Variants in MEF2D observed in about 807,000 individuals in gnomAD.
The protein encoded by MEF2D is myocyte-specific enhancer factor 2D.
MEF2D carries 10 observed loss-of-function variants against 59.3 expected under a neutral mutation model. The ratio of observed to expected loss-of-function variants is 0.17; its 90% CI spans 0.10 to 0.29. The LOEUF is 0.29. Among genes scored for constraint, MEF2D ranks in the 10% least tolerant of loss-of-function variants. The pLI, the probability that MEF2D is intolerant of heterozygous loss-of-function variation, is 1.00. For synonymous variants in MEF2D, 305 were observed against 295.0 expected (o/e 1.03, Z -0.35); for missense variants, 508 against 699.4 (o/e 0.73, Z 3.09).
rs1346431884 is a variant in MEF2D at position 156,500,702 on chromosome 1, G to A, written c.-355C>T. ...GGCGGCAGGCAAGCGGGGAACCGGG[G>A]CCGAGCGCCTGAGCCGCCTCGGCTG... is the stretch of plus-strand genomic sequence containing the variant. On this transcript the variant is annotated 5_prime_UTR_variant, in exon 1 of 12. Transcript: ENST00000348159. 2.6e-5 allele frequency: 4 copies of A among 152,094 alleles called. No homozygotes were observed. Among genetic ancestry groups the A allele is most frequent in the African/African-American group, 7.2e-5 (3 of 41,426 alleles). The allele number at this position is 152,094 out of a possible 1,614,324, so 9.4% of individuals were successfully genotyped here.
chr1:156,468,721 C>G lies in MEF2D; in HGVS notation c.1247+59G>C. 6.4e-7 allele frequency: 1 copy of G among 1,574,732 alleles called. No individual in the cohort carries two copies. The highest frequency in any genetic ancestry group is 8.7e-7 in the Non-Finnish European group (1 of 1,154,726). ...GGAACCCAGCTCCCAAGAGGTCCCT[C>G]CTCTTCCCGTTCAATTCTCCCTTCC... On this transcript the variant is annotated intron_variant, in intron 10 of 11. Transcript: ENST00000348159. This position sits in a 1 kb window ranked among gnomAD's most constrained non-coding sequence, Gnocchi z 4.3.
In MEF2D at chr1:156,472,267, A is replaced by G. The variant is rs548322610; in HGVS notation, c.1006+2841T>C. On this transcript the variant is annotated intron_variant, in intron 9 of 11. Transcript: ENST00000348159. ...AGTGGCAGGGCTGGAAAAGCCTCAT[A>G]GACCTCCTGTCTACCCACTCCTCTT... is the stretch of plus-strand genomic sequence containing the variant. Among the ~76,000 whole-genome samples, 366 of 152,354 alleles carry G rather than the reference A, an allele frequency of 2.4e-3. 3 individuals carry two copies. The highest frequency in any genetic ancestry group is 4.1e-3 in the Non-Finnish European group (278 of 68,034).
Position 156,468,767 on chromosome 1 carries a change from C to T in MEF2D, c.1247+13G>A, listed in dbSNP as rs1468015393. 1 of 1,607,082 alleles carries T rather than the reference C, an allele frequency of 6.2e-7. No individual in the cohort carries two copies. Among genetic ancestry groups the T allele is most frequent in the South Asian group, 1.1e-5 (1 of 90,876 alleles). On this transcript the variant is annotated intron_variant, in intron 10 of 11. Transcript: ENST00000348159. This position sits in a 1 kb window ranked among gnomAD's most constrained non-coding sequence, Gnocchi z 4.3. Reference sequence around the variant, plus strand: ...CTTCCCACACACTCACATGCAGTCTCCCCAGGACTCACATGAGGTTGCTGA... The same window carrying T: ...CTTCCCACACACTCACATGCAGTCTTCCCAGGACTCACATGAGGTTGCTGA...
chr1:156,475,223 G>T lies in MEF2D; in HGVS notation c.891C>A (p.Arg297=), dbSNP rs1557880536. The T allele has an allele frequency of 1.2e-6, 2 of 1,611,924 alleles. No individual in the cohort carries two copies. The highest frequency in any genetic ancestry group is 1.7e-6 in the Non-Finnish European group (2 of 1,178,900). ...EDHLDLNNAQ[R]LGVSQSTHSL... ...AATGAGTAGACTGGGAGACCCCAAG[G>T]CGCTGGGCATTGTTCTGTAGGAGAA... is the stretch of plus-strand genomic sequence containing the variant. The change falls in exon 9 of 12, where the codon CGC becomes CGA. Residue 297 remains arginine (R), a synonymous_variant. Transcript: ENST00000348159.
At position 156,498,119 on chromosome 1, in the gene MEF2D, A is replaced by C. The variant is rs543254745; in HGVS notation, c.-139+2367T>G. On this transcript the variant is annotated intron_variant, in intron 1 of 11. Coordinates refer to ENST00000348159, the MANE Select transcript of MEF2D (RefSeq NM_005920.4). ...GAAAGATTAAAAAAAAAAAAAAAAA[A>C]AAAAAAAACCCTGCTACAGAGAGAT... is the stretch of plus-strand genomic sequence containing the variant. Among the ~76,000 whole-genome samples, 389 of 151,016 alleles carry C rather than the reference A, an allele frequency of 2.6e-3. 3 individuals are homozygous for C. Among genetic ancestry groups the C allele is most frequent in the African/African-American group, 9.0e-3 (370 of 41,068 alleles).
rs202204405 is a variant in MEF2D at position 156,477,666 on chromosome 1, C to T, written c.665-464G>A. On this transcript the variant is annotated intron_variant, in intron 6 of 11. Transcript: ENST00000348159. ...GTGGAAGGGGTGGCAGCCTGGAATC[C>T]GGGCCTCACTGAGAAGCCTGGTCAC... Among the ~76,000 whole-genome samples, 17 of 152,236 alleles carry T rather than the reference C, an allele frequency of 1.1e-4. No homozygotes were observed. The East Asian group carries it at 3.1e-3, about 28-fold the overall frequency.
rs1337767258 is a variant in MEF2D, at chr1:156,463,771, A to G, written c.*3874T>C. The G allele has an allele frequency of 1.3e-5, 2 of 152,474 alleles. No homozygotes were observed. Among genetic ancestry groups the G allele is most frequent in the Non-Finnish European group, 2.9e-5 (2 of 68,032 alleles). 9.4% of individuals were successfully genotyped at this position (152,474 alleles called of 1,614,324 possible). A position where few individuals can be genotyped will look rare whatever the true frequency, so the allele number is the denominator to read the frequency against. Reference sequence around the variant, plus strand: ...TTTTCTTTTAATAGTAAACCTCTTTACAACAAATATAGTGAAAGAGTTTTC... The same window carrying G: ...TTTTCTTTTAATAGTAAACCTCTTTGCAACAAATATAGTGAAAGAGTTTTC... On this transcript the variant is annotated 3_prime_UTR_variant, in exon 12 of 12. Transcript: ENST00000348159.
intron 1 of MEF2D, among the ~76,000 whole-genome samples, chr1:156,486,798 C>T (rs1013176863): frequency 1.3e-5 from 2 of 152,210 alleles, no homozygotes; most frequent in Admixed American, 1.3e-4. Flanking sequence ...TACTCTATCT[C>T]CTATAAGAAG....
chr1:156,479,116 TTGCTACAGAAA>T (rs1671811649), intron 6 of MEF2D, among the ~76,000 whole-genome samples, 163 bp downstream of exon 6: 1 of 152,194 alleles, frequency 6.6e-6, no homozygotes, highest in South Asian at 2.1e-4. Flanking sequence ...ACACCAATCA[TTGCTACAGAAA>T]ACAAAATCCA....
chr1:156,480,867 G>A lies in MEF2D; in HGVS notation c.363C>T (p.Ser121=), dbSNP rs144828591. The A allele has an allele frequency of 2.8e-4, 456 of 1,603,240 alleles. No individual in the cohort carries two copies. The highest frequency in any genetic ancestry group is 3.5e-4 in the Non-Finnish European group (410 of 1,175,108). The change falls in exon 4 of 12, where the codon AGC becomes AGT. Residue 121 remains serine (S), a synonymous_variant. Transcript: ENST00000348159. ...PLLEDKYRRA[S]EELDGLFRRY... ...GCCGGAAGAGCCCGTCGAGCTCCTC[G>A]CTGGCGCGTCGGTACTTGTCCTCCA...
intron 1 of MEF2D, among the ~76,000 whole-genome samples, chr1:156,487,479 G>A (rs1169656566): frequency 6.6e-6 from 1 of 152,202 alleles, no homozygotes; most frequent in Non-Finnish European, 1.5e-5. Context: ...CTACAAAGCA[G>A]ATGCAGTCTA....
chr1:156,499,521 G>A (rs1010175241), intron 1 of MEF2D: 1 of 152,158 alleles, frequency 6.6e-6, no homozygotes, highest in African/African-American at 2.4e-5. Context: ...GATTCACTAG[G>A]GGGAGGGGGC....
At chr1:156,474,073 G>C (rs1402112892) in intron 9 of MEF2D, among the ~76,000 whole-genome samples, 1 of 152,158 alleles carries the variant, frequency 6.6e-6, no homozygotes, top group Non-Finnish European at 1.5e-5. Context: ...TGGTCAGCCT[G>C]AATGATCTGC....
intron 4 of MEF2D, chr1:156,480,571 G>C: frequency 6.8e-7 from 1 of 1,460,378 alleles, no homozygotes; most frequent in Non-Finnish European, 9.2e-7. Context: ...GCACCCATCA[G>C]GGCAGCCGAG....
intron 2 of MEF2D, among the ~76,000 whole-genome samples, chr1:156,482,983 G>A (rs956709969): frequency 2.5e-4 from 38 of 152,224 alleles, no homozygotes; most frequent in African/African-American, 9.2e-4. Flanking sequence ...TATGACCTAA[G>A]GCTTGCAAAT....
At chr1:156,474,967 A>T in intron 9 of MEF2D, 141 bp downstream of exon 9, 1 of 1,197,542 alleles carries the variant, frequency 8.4e-7, no homozygotes, top group South Asian at 1.5e-5. Context: ...TAAACCTGTT[A>T]ACCATAAGTA....
chr1:156,498,706 G>T (rs962106111), intron 1 of MEF2D, among the ~76,000 whole-genome samples: 1 of 151,816 alleles, frequency 6.6e-6, no homozygotes, highest in East Asian at 1.9e-4. Context: ...GTGTGTTGGC[G>T]GGGGCAGGGG....
At chr1:156,474,362 T>C (rs1171731814) in intron 9 of MEF2D, among the ~76,000 whole-genome samples, 1 of 151,984 alleles carries the variant, frequency 6.6e-6, no homozygotes, top group Non-Finnish European at 1.5e-5. Flanking sequence ...GGCATGAGAA[T>C]CACCTGAACC....
At chr1:156,467,846 G>C (rs1670955284) in intron 11 of MEF2D, 147 bp downstream of exon 11, 1 of 1,123,806 alleles carries the variant, frequency 8.9e-7, no homozygotes, top group Admixed American at 2.6e-5. Flanking sequence ...GGGGTGAAGG[G>C]GTGTTGGTGC....
Sources: gnomAD v4.1 joint callset for allele counts (sites outside exome capture counted in the v4.1 genomes callset) on GRCh38, gnomAD v4.1.1 for gene constraint, Gnocchi (gnomAD v3.1) non-coding constraint, MANE v1.5 for transcripts, NCBI Gene and HGNC (gene_info 2026-07-23, HGNC 2026-07-21) for gene names.